The following IGF2BP1 variants were observed in gnomAD, a reference collection of about 807,000 sequenced individuals.
The protein encoded by IGF2BP1 is insulin like growth factor 2 mRNA binding protein 1, also known as insulin-like growth factor 2 mRNA-binding protein 1.
IGF2BP1 carries 11 observed loss-of-function variants against 74.9 expected under a neutral mutation model. The observed-to-expected ratio is 0.15, with a 90% CI of 0.09 to 0.24. The LOEUF (loss-of-function observed/expected upper bound fraction) is 0.24. Ranked by LOEUF, IGF2BP1 falls within the 10% of genes least tolerant of loss-of-function variation. IGF2BP1 has a pLI of 1.00. For missense variants in IGF2BP1, 440 were observed against 757.4 expected, an observed-to-expected ratio of 0.58 and a Z score of 4.92; for synonymous variants, 287 against 281.8, an observed-to-expected ratio of 1.02 and a Z score of -0.18.
At chr17:49,000,366 C>T (rs2041473905) in intron 2 of IGF2BP1, among the ~76,000 whole-genome samples, 1 of 152,092 alleles carries the variant, frequency 6.6e-6, no homozygotes, top group African/African-American at 2.4e-5. Context: ...AGTTGCTTAG[C>T]TTGATATTTA....
At chr17:49,016,410 CGTGCGCACGTGTGTGTGTGTGTGT>C (rs2041702888) in intron 2 of IGF2BP1, among the ~76,000 whole-genome samples, 1 of 151,882 alleles carries the variant, frequency 6.6e-6, no homozygotes, top group Non-Finnish European at 1.5e-5. Context: ...TGTGTGTGTG[CGTGCGCACGTGTGTGTGTGTGTGT>C]GGGATCATAT....
At chr17:49,028,511 T>G (rs1031807428) in intron 4 of IGF2BP1, among the ~76,000 whole-genome samples, 1 of 152,222 alleles carries the variant, frequency 6.6e-6, no homozygotes, top group African/African-American at 2.4e-5. Context: ...GTTCACAGTT[T>G]AGACTAATGA....
intron 8 of IGF2BP1, 54 bp from the exon 9 acceptor site, chr17:49,042,187 CG>C (rs35022716): frequency 6.2e-7 from 1 of 1,610,702 alleles, no homozygotes; most frequent in Admixed American, 1.7e-5. Context: ...TTGTTACTGC[CG>C]GGGCCTGGTC....
intron 4 of IGF2BP1, among the ~76,000 whole-genome samples, chr17:49,030,025 C>T (rs1165247293): frequency 6.6e-6 from 1 of 152,040 alleles, no homozygotes; most frequent in African/African-American, 2.4e-5. Context: ...TGACTAGCAT[C>T]CTGAGGCTAC....
chr17:49,044,568 T>G (rs530324253), intron 11 of IGF2BP1, among the ~76,000 whole-genome samples: 1 of 152,222 alleles, frequency 6.6e-6, no homozygotes, highest in Non-Finnish European at 1.5e-5. Context: ...AGGATGCTGT[T>G]AGAGTTTCAC....
At chr17:49,046,745 A>G (rs989135959) in intron 14 of IGF2BP1, among the ~76,000 whole-genome samples, 1 of 151,984 alleles carries the variant, frequency 6.6e-6, no homozygotes, top group Non-Finnish European at 1.5e-5. Context: ...AGTTTTGTTC[A>G]TGGAATAATG....
chr17:49,020,952 G>A (rs1037373958), intron 2 of IGF2BP1, among the ~76,000 whole-genome samples: 6 of 143,780 alleles, frequency 4.2e-5, no homozygotes, highest in Admixed American at 1.4e-4. Context: ...AACATGGTGA[G>A]GCCCCGTCTC....
At chr17:49,034,917 C>T (rs751390864) in intron 5 of IGF2BP1, among the ~76,000 whole-genome samples, 3 of 152,092 alleles carry the variant, frequency 2.0e-5, no homozygotes, top group Admixed American at 6.6e-5. Flanking sequence ...ACATAAATCC[C>T]GTAAGATATG....
rs1303243873 is a variant in IGF2BP1 at position 49,019,946 on chromosome 17, ATATT to A, written c.237-5668_237-5665del. Among the ~76,000 whole-genome samples the A allele has an allele frequency of 9.9e-4, 42 of 42,274 alleles. 1 individual carries two copies. Among genetic ancestry groups the A allele is most frequent in the African/African-American group, 2.1e-3 (17 of 8,114 alleles). The allele number at this position is 42,274 out of a possible 152,430, so 27.7% of individuals were successfully genotyped here. A position where few individuals can be genotyped will look rare whatever the true frequency, so the allele number is the denominator to read the frequency against. On this transcript the variant is annotated intron_variant, in intron 2 of 14. Transcript: ENST00000290341. ...TATATATATATATATATATATATAT[ATATT>A]TATATACACACACACACACACACAC...
At chr17:49,009,759 C>G (rs1420463028) in intron 2 of IGF2BP1, among the ~76,000 whole-genome samples, 1 of 151,472 alleles carries the variant, frequency 6.6e-6, no homozygotes, top group Non-Finnish European at 1.5e-5. Context: ...AATTTACCAT[C>G]TTAACCATTT....
At chr17:49,034,055 C>T (rs961595722) in intron 5 of IGF2BP1, among the ~76,000 whole-genome samples, 1 of 120,444 alleles carries the variant, frequency 8.3e-6, no homozygotes. Flanking sequence ...AAACTCCTGG[C>T]CTTAGCGATC....
chr17:49,014,737 C>T (rs2041671548), intron 2 of IGF2BP1: 1 of 983,802 alleles, frequency 1.0e-6, no homozygotes, highest in South Asian at 4.7e-5. Flanking sequence ...CACGCAGACG[C>T]TTGCGGGGCT....
intron 12 of IGF2BP1, 130 bp downstream of exon 12, chr17:49,045,195 A>G (rs1226142251): frequency 1.4e-6 from 1 of 710,510 alleles, no homozygotes; most frequent in Non-Finnish European, 2.5e-6. Context: ...TAAGCCTTCC[A>G]TGCAGGATAA....
rs944662165 is a variant in IGF2BP1, at chr17:49,052,141, G to A, written c.*2697G>A. On this transcript the variant is annotated 3_prime_UTR_variant, in exon 15 of 15. Transcript: ENST00000290341. ...ATTGTCTGGCCCAAATTGAATAGAAGCAGAAAAACATTTAGGGATAACATC... is the reference window on the plus strand; with the variant it reads ...ATTGTCTGGCCCAAATTGAATAGAAACAGAAAAACATTTAGGGATAACATC... 1 of 152,124 alleles carries A rather than the reference G, an allele frequency of 6.6e-6. No individual in the cohort carries two copies. Among genetic ancestry groups the A allele is most frequent in the African/African-American group, 2.4e-5 (1 of 41,414 alleles). The allele number at this position is 152,124 out of a possible 1,614,324, so 9.4% of individuals were successfully genotyped here. A position where few individuals can be genotyped will look rare whatever the true frequency, so the allele number is the denominator to read the frequency against.
At chr17:49,009,446 A>G (rs1364037112) in intron 2 of IGF2BP1, among the ~76,000 whole-genome samples, 1 of 151,906 alleles carries the variant, frequency 6.6e-6, no homozygotes, top group Non-Finnish European at 1.5e-5. Flanking sequence ...GCAGTGGCTC[A>G]TGCCTGTAAT....
At chr17:49,014,665 T>C (rs926243852) in intron 2 of IGF2BP1, 1 of 574,032 alleles carries the variant, frequency 1.7e-6, no homozygotes, top group Admixed American at 6.4e-5. Flanking sequence ...CAGGTCATGG[T>C]TGGCAGCTAG....
chr17:49,046,413 G>A (rs781300185), intron 14 of IGF2BP1, 40 bp downstream of exon 14: 33 of 1,465,438 alleles, frequency 2.3e-5, no homozygotes, highest in Admixed American at 5.1e-5. Flanking sequence ...GGCTGCAGGA[G>A]CCCAGGGAGC....
chr17:49,046,222 C>T (rs372894388), intron 13 of IGF2BP1, 38 bp from the exon 14 acceptor site: 56 of 1,577,118 alleles, frequency 3.6e-5, no homozygotes, highest in Non-Finnish European at 4.7e-5. Context: ...CCCATGCTTT[C>T]TTGATGGCAC....
At position 48,997,765 on chromosome 17, in the gene IGF2BP1, G is replaced by T. The variant is rs1267859451; in HGVS notation, c.20G>T (p.Gly7Val). Residue 7 changes from glycine (G) to valine (V), a missense_variant, in exon 1 of 15, where the codon GGC becomes GTC. By Grantham distance (109) the Gly-to-Val change is moderately radical (BLOSUM62 -3). Transcript: ENST00000290341. The surrounding 1 kb of genome is among the most constrained non-coding windows in gnomAD (Gnocchi z 4.8). Reference sequence around the variant, plus strand: ...GCCACCATGAACAAGCTTTACATCGGCAACCTCAACGAGAGCGTGACCCCC... The same window carrying T: ...GCCACCATGAACAAGCTTTACATCGTCAACCTCAACGAGAGCGTGACCCCC... MNKLYI[G>V]NLNESVTPAD... The T allele has an allele frequency of 6.2e-7, 1 of 1,613,710 alleles. No individual in the cohort carries two copies.
Sources: gnomAD v4.1 joint callset for allele counts (sites outside exome capture counted in the v4.1 genomes callset) on GRCh38, gnomAD v4.1.1 for gene constraint, Gnocchi (gnomAD v3.1) non-coding constraint, MANE v1.5 for transcripts, NCBI Gene and HGNC (gene_info 2026-07-23, HGNC 2026-07-21) for gene names.